The following R3HCC1L variants were observed in gnomAD, a reference collection of about 807,000 sequenced individuals.
R3HCC1L encodes the protein coiled-coil domain-containing protein R3HCC1L.
A neutral mutation model predicts 59.9 loss-of-function variants in R3HCC1L; 51 were observed. The observed-to-expected ratio is 0.85, with a 90% CI of 0.68 to 1.07. R3HCC1L has a LOEUF of 1.07. R3HCC1L is among the 50% of genes least tolerant of loss of function. R3HCC1L has a pLI of 0.00. For synonymous variants in R3HCC1L, 322 were observed against 315.2 expected (o/e 1.02, Z -0.23); for missense variants, 965 against 933.0 (o/e 1.03, Z -0.45).
At chr10:98,181,994 C>G (rs1258720358) in intron 4 of R3HCC1L, among the ~76,000 whole-genome samples, 2 of 152,138 alleles carry the variant, frequency 1.3e-5, no homozygotes, top group Admixed American at 1.3e-4. Context: ...TACTACCGAC[C>G]TTCTGAAGCC....
chr10:98,149,439 A>G (rs1425707215), intron 1 of R3HCC1L, among the ~76,000 whole-genome samples: 2 of 152,092 alleles, frequency 1.3e-5, no homozygotes, highest in African/African-American at 4.8e-5. Flanking sequence ...GCACGTTATT[A>G]GATTATTTGA....
chr10:98,222,488 C>T (rs1170362889), intron 5 of R3HCC1L, among the ~76,000 whole-genome samples: 6 of 151,870 alleles, frequency 4.0e-5, no homozygotes, highest in Non-Finnish European at 4.4e-5. Context: ...CCAGTTTTTG[C>T]CCATTCAGTA....
intron 1 of R3HCC1L, among the ~76,000 whole-genome samples, chr10:98,153,462 A>G (rs1846484397): frequency 6.6e-6 from 1 of 152,188 alleles, no homozygotes; most frequent in Non-Finnish European, 1.5e-5. Flanking sequence ...GTACCCAGGG[A>G]CACAAACACT....
At chr10:98,149,909 G>A (rs1025592347) in intron 1 of R3HCC1L, among the ~76,000 whole-genome samples, 8 of 152,144 alleles carry the variant, frequency 5.3e-5, no homozygotes, top group Admixed American at 6.5e-5. Context: ...ACTGAGAGTG[G>A]AGTGTTGAAG....
intron 5 of R3HCC1L, among the ~76,000 whole-genome samples, chr10:98,214,641 A>C (rs1853956881): frequency 6.6e-6 from 1 of 152,160 alleles, no homozygotes; most frequent in African/African-American, 2.4e-5. Flanking sequence ...TTTACCTATA[A>C]CTGTAAAGTG....
rs374982739 is a variant in R3HCC1L, at chr10:98,242,208, A to C, written c.2270-1883A>C. Reference sequence around the variant, plus strand: ...ACATATACAAAAAAATTAGCCAGGCATGGTGGCATGTGCCTGTTACTCAAG... The same window carrying C: ...ACATATACAAAAAAATTAGCCAGGCCTGGTGGCATGTGCCTGTTACTCAAG... On this transcript the variant is annotated intron_variant, in intron 9 of 9. Coordinates refer to ENST00000298999, the MANE Select transcript of R3HCC1L (RefSeq NM_001351015.2). Among the ~76,000 whole-genome samples the C allele has an allele frequency of 3.9e-5, 6 of 152,238 alleles. No individual in the cohort carries two copies. In the South Asian group the frequency reaches 1.0e-3, roughly 26 times the overall value.
At chr10:98,144,984 C>G (rs893093666) in intron 1 of R3HCC1L, among the ~76,000 whole-genome samples, 4 of 152,168 alleles carry the variant, frequency 2.6e-5, no homozygotes, top group Non-Finnish European at 2.9e-5. Context: ...CTTAACAGTA[C>G]TCCACAAATA....
At chr10:98,183,252 A>G (rs1355493160) in intron 4 of R3HCC1L, among the ~76,000 whole-genome samples, 2 of 151,106 alleles carry the variant, frequency 1.3e-5, no homozygotes, top group African/African-American at 4.9e-5. Flanking sequence ...CTGCATTGAC[A>G]GTTTTTTCTT....
chr10:98,204,389 G>C (rs1323799364), intron 4 of R3HCC1L, among the ~76,000 whole-genome samples: 1 of 151,692 alleles, frequency 6.6e-6, no homozygotes. Context: ...TGGGCAACAA[G>C]AGCAAAACTG....
At chr10:98,225,102 A>G (rs1019478892) in intron 5 of R3HCC1L, among the ~76,000 whole-genome samples, 21 of 152,338 alleles carry the variant, frequency 1.4e-4, no homozygotes, top group African/African-American at 5.1e-4. Context: ...GATATTTTAT[A>G]CTTACAGCAT....
chr10:98,145,297 A>G (rs1845545831), intron 1 of R3HCC1L, among the ~76,000 whole-genome samples: 1 of 152,230 alleles, frequency 6.6e-6, no homozygotes, highest in Admixed American at 6.5e-5. Context: ...AAAATAGAAA[A>G]CATGATATCT....
chr10:98,177,705 T>G (rs1162839159), intron 4 of R3HCC1L, among the ~76,000 whole-genome samples: 1 of 152,212 alleles, frequency 6.6e-6, no homozygotes, highest in African/African-American at 2.4e-5. Context: ...GTTTCCTGAC[T>G]TTTTAACGAT....
At chr10:98,237,134 G>A (rs1857052318) in intron 9 of R3HCC1L, among the ~76,000 whole-genome samples, 1 of 152,170 alleles carries the variant, frequency 6.6e-6, no homozygotes, top group Non-Finnish European at 1.5e-5. Flanking sequence ...AGGTGCTAGA[G>A]TTTCAGAGTT....
At chr10:98,156,356 C>G (rs1487947670) in intron 2 of R3HCC1L, among the ~76,000 whole-genome samples, 1 of 152,212 alleles carries the variant, frequency 6.6e-6, no homozygotes, top group African/African-American at 2.4e-5. Flanking sequence ...TCTCACATAG[C>G]TTCAATCTGG....
chr10:98,212,002 T>C lies in R3HCC1L; in HGVS notation c.1785+2103T>C, dbSNP rs1853636948. On this transcript the variant is annotated intron_variant, in intron 5 of 9. Transcript: ENST00000298999. The stretch of plus-strand genomic sequence containing the variant: ...AGAATATAGTATTTTAAGCTGAAGA[T>C]GGACAGTGTCTGGGTGTTGTGTTTG... Among the ~76,000 whole-genome samples the C allele has an allele frequency of 3.3e-5, 5 of 152,152 alleles. No homozygotes were observed. In the South Asian group the frequency reaches 8.3e-4, roughly 25 times the overall value.
intron 9 of R3HCC1L, among the ~76,000 whole-genome samples, chr10:98,240,931 AC>A (rs1487864504): frequency 1.3e-5 from 2 of 152,084 alleles, no homozygotes; most frequent in Non-Finnish European, 2.9e-5. Flanking sequence ...ACTAGGACTA[AC>A]TAACTGACCA....
In R3HCC1L at chr10:98,231,610, C is replaced by A; in HGVS notation, c.1884C>A (p.Phe628Leu). 1 of 1,612,332 alleles carries A rather than the reference C, an allele frequency of 6.2e-7. No homozygotes were observed. The highest frequency in any genetic ancestry group is 8.5e-7 in the Non-Finnish European group (1 of 1,178,602). ...ATATTGACCTCAGTGATTGTGAATT[C>A]CCACATGTCATTGAAATTTATGACT... Reference protein sequence around the residue: ...VPDIDLSDCEFPHVIEIYDFP... With the variant: ...VPDIDLSDCELPHVIEIYDFP... Residue 628 changes from phenylalanine (F) to leucine (L), a missense_variant, in exon 6 of 10, where the codon TTC becomes TTA. Coordinates refer to ENST00000298999, the MANE Select transcript of R3HCC1L (RefSeq NM_001351015.2).
chr10:98,144,596 A>T (rs1005673356), intron 1 of R3HCC1L, among the ~76,000 whole-genome samples: 22 of 152,214 alleles, frequency 1.4e-4, no homozygotes, highest in African/African-American at 5.3e-4. Context: ...GTCCTTGCCA[A>T]ACTGAAAACT....
At chr10:98,229,493 G>T (rs1329144085) in intron 5 of R3HCC1L, among the ~76,000 whole-genome samples, 1 of 152,088 alleles carries the variant, frequency 6.6e-6, no homozygotes, top group Non-Finnish European at 1.5e-5. Context: ...GAGACAGTGG[G>T]GTTTTCTAGA....
Sources: allele counts gnomAD v4.1 joint callset (sites outside exome capture counted in the v4.1 genomes callset), GRCh38; gene constraint gnomAD v4.1.1; transcripts MANE v1.5; gene names NCBI Gene and HGNC (gene_info 2026-07-23, HGNC 2026-07-21).